The following ATP8B2 variants were observed in gnomAD, a reference collection of about 807,000 sequenced individuals.
The protein encoded by ATP8B2 is ATPase phospholipid transporting 8B2.
ATP8B2 carries 70 observed loss-of-function variants against 133.4 expected under a neutral mutation model. The ratio of observed to expected loss-of-function variants is 0.52; its 90% confidence interval spans 0.43 to 0.64. The LOEUF is 0.64. Among genes scored for constraint, ATP8B2 ranks in the 30% least tolerant of loss-of-function variants. The pLI, the probability that ATP8B2 is intolerant of heterozygous loss-of-function variation, is 0.00. For synonymous variants in ATP8B2, 517 were observed against 589.5 expected, an observed-to-expected ratio of 0.88 and a Z score of 1.78; for missense variants, 1,101 against 1,535.7, an observed-to-expected ratio of 0.72 and a Z score of 4.73.
Position 154,332,027 on chromosome 1 carries a change from A to G in ATP8B2, c.509+3A>G. 6.2e-7 allele frequency: 1 copy of G among 1,612,624 alleles called. No individual in the cohort carries two copies. ...ATAGAGACAGCAGAACTTGATGGGTAAGTGGCATGCTCAGTGTCAGCCCTC... is the reference window on the plus strand; with the variant it reads ...ATAGAGACAGCAGAACTTGATGGGTGAGTGGCATGCTCAGTGTCAGCCCTC... On this transcript the variant is annotated splice_donor_region_variant and intron_variant, in intron 8 of 27. Transcript: ENST00000368489.
rs767768059 is a variant in ATP8B2 at position 154,349,024 on chromosome 1, G to A, written c.3479G>A (p.Arg1160His). The A allele has an allele frequency of 4.3e-6, 7 of 1,614,210 alleles. No homozygotes were observed. Among genetic ancestry groups the A allele is most frequent in the East Asian group, 2.2e-5 (1 of 44,876 alleles). ...SSLALSSFTT[R>H]SSSSWIESLR... ...CTCGCGCTCTCCAGCTTCACCACCC[G>A]CTCCAGCTCCAGCTGGATTGAGAGC... is the stretch of plus-strand genomic sequence containing the variant. Residue 1160 changes from arginine (R) to histidine (H), a missense_variant, in exon 28 of 28, where the codon CGC becomes CAC. Physicochemically the swap from Arg to His is conservative, Grantham distance 29. Coordinates refer to ENST00000368489, the MANE Select transcript of ATP8B2 (RefSeq NM_001370597.1).
At position 154,343,662 on chromosome 1, in the gene ATP8B2, C is replaced by T. The variant is rs1686466278; in HGVS notation, c.1758+94C>T. On this transcript the variant is annotated intron_variant, in intron 17 of 27. Coordinates refer to ENST00000368489, the MANE Select transcript of ATP8B2 (RefSeq NM_001370597.1). The surrounding 1 kb of genome is among the most constrained non-coding windows in gnomAD (Gnocchi z 5.8). ...TTGTTTTATTGTGTAAATTTAAGGT[C>T]TACAACGTGATGTTTTGATGTGTAT... 8.1e-7 allele frequency: 1 copy of T among 1,227,488 alleles called. No homozygotes were observed. Among genetic ancestry groups the T allele is most frequent in the South Asian group, 1.3e-5 (1 of 79,774 alleles). 76.0% of individuals were successfully genotyped at this position (1,227,488 alleles called of 1,614,324 possible).
In ATP8B2 at chr1:154,328,513, A is replaced by G. The variant is rs1685867613; in HGVS notation, c.31+341A>G. 6.6e-6 allele frequency among the ~76,000 whole-genome samples: 1 copy of G among 151,566 alleles called. No individual in the cohort carries two copies. On this transcript the variant is annotated intron_variant, in intron 2 of 27. Transcript: ENST00000368489. The surrounding 1 kb of genome is among the most constrained non-coding windows in gnomAD (Gnocchi z 4.6). ...CCCTGCTCCCCTCGTTTTTCCATCTACCGGTTCTCCTGGTTTTTCCGCGGG... is the reference window on the plus strand; with the variant it reads ...CCCTGCTCCCCTCGTTTTTCCATCTGCCGGTTCTCCTGGTTTTTCCGCGGG...
In ATP8B2 at chr1:154,342,860, C is replaced by A; in HGVS notation, c.1352C>A (p.Pro451His). ...GACAAGAAGTTCTTATTTTGGGACC[C>A]CAGCCTGCTGGAGGCTGTCAAGATC... ...LADKKFLFWD[P>H]SLLEAVKIGD... Residue 451 changes from proline to histidine, a missense_variant, in exon 15 of 28, where the codon CCC (proline) becomes CAC (histidine). Pro to His is a moderately conservative substitution (Grantham distance 77). Coordinates refer to ENST00000368489, the MANE Select transcript of ATP8B2 (RefSeq NM_001370597.1). 1 of 1,614,172 alleles carries A rather than the reference C, an allele frequency of 6.2e-7. No homozygotes were observed. Among genetic ancestry groups the A allele is most frequent in the Non-Finnish European group, 8.5e-7 (1 of 1,180,014 alleles).
Position 154,343,639 on chromosome 1 carries a change from G to C in ATP8B2, c.1758+71G>C. On this transcript the variant is annotated intron_variant, in intron 17 of 27. Coordinates refer to ENST00000368489, the MANE Select transcript of ATP8B2 (RefSeq NM_001370597.1). This position sits in a 1 kb window ranked among gnomAD's most constrained non-coding sequence, Gnocchi z 5.8. ...AGTGTGGGGGAGGCGACTTAAGTTT[G>C]TTTTATTGTGTAAATTTAAGGTCTA... The C allele has an allele frequency of 1.4e-6, 2 of 1,398,514 alleles. No individual in the cohort carries two copies. Among genetic ancestry groups the C allele is most frequent in the Non-Finnish European group, 2.0e-6 (2 of 992,568 alleles). The allele number at this position is 1,398,514 out of a possible 1,614,324, so 86.6% of individuals were successfully genotyped here.
rs528913922 is a variant in ATP8B2, at chr1:154,349,354, G to A, written c.*236G>A. 4.1e-5 allele frequency: 24 copies of A among 579,662 alleles called. No homozygotes were observed. In the South Asian group the frequency reaches 5.1e-4, roughly 12 times the overall value. 35.9% of individuals were successfully genotyped at this position (579,662 alleles called of 1,614,324 possible). ...AAGGGCAGAGCAGAGGCTGAGGCAC[G>A]GGGAGCCAGCCCCACTCGGGGACCA... is the stretch of plus-strand genomic sequence containing the variant. On this transcript the variant is annotated 3_prime_UTR_variant, in exon 28 of 28. Coordinates refer to ENST00000368489, the MANE Select transcript of ATP8B2 (RefSeq NM_001370597.1).
At chr1:154,348,649 C>A in intron 27 of ATP8B2, 111 bp downstream of exon 27, 4 of 1,475,388 alleles carry the variant, frequency 2.7e-6, no homozygotes, top group Non-Finnish European at 3.7e-6. Flanking sequence ...TGTGTTGGTG[C>A]TTATCTGTTC....
intron 2 of ATP8B2, among the ~76,000 whole-genome samples, chr1:154,329,480 G>C (rs1685909809): frequency 6.6e-6 from 1 of 152,076 alleles, no homozygotes; most frequent in African/African-American, 2.4e-5. Context: ...TGAGGTCATG[G>C]TGACCCCCGG....
chr1:154,343,071 G>C lies in ATP8B2; in HGVS notation c.1454-42G>C. 1.3e-6 allele frequency: 2 copies of C among 1,598,268 alleles called. No individual in the cohort carries two copies. Among genetic ancestry groups the C allele is most frequent in the Non-Finnish European group, 1.7e-6 (2 of 1,170,820 alleles). On this transcript the variant is annotated intron_variant, in intron 15 of 27. Coordinates refer to ENST00000368489, the MANE Select transcript of ATP8B2 (RefSeq NM_001370597.1). The surrounding 1 kb of genome is among the most constrained non-coding windows in gnomAD (Gnocchi z 5.8). ...CTTCCTGGGCGGGGCACGTGGCTGA[G>C]GGAAGCCACTTATATCACGTGTATT...
chr1:154,327,475 C>T (rs916765321), intron 1 of ATP8B2, among the ~76,000 whole-genome samples: 27 of 152,110 alleles, frequency 1.8e-4, no homozygotes, highest in African/African-American at 6.3e-4. Context: ...GGGAAGACCC[C>T]TCTGCCAGCC....
intron 9 of ATP8B2, among the ~76,000 whole-genome samples, chr1:154,333,335 AG>A (rs1278515075): frequency 6.9e-6 from 1 of 144,484 alleles, no homozygotes; most frequent in Non-Finnish European, 1.5e-5. Flanking sequence ...TGTCTCAAAA[AG>A]AAAAAAAAAA....
At chr1:154,332,372 A>T (rs2149162043) in intron 8 of ATP8B2, among the ~76,000 whole-genome samples, 1 of 152,258 alleles carries the variant, frequency 6.6e-6, no homozygotes, top group Non-Finnish European at 1.5e-5. Flanking sequence ...CATCTCTATA[A>T]AACAAACAAA....
At position 154,330,445 on chromosome 1, in the gene ATP8B2, C is replaced by A; in HGVS notation, c.81C>A (p.Phe27Leu). ...RANDREYNEK[F>L]QYASNCIKTS... Reference sequence around the variant, plus strand: ...ATGACCGAGAATACAATGAGAAATTCCAGTATGCGGTAAGCGACTCTAGAC... The same window carrying A: ...ATGACCGAGAATACAATGAGAAATTACAGTATGCGGTAAGCGACTCTAGAC... Residue 27 changes from phenylalanine to leucine, a missense_variant, in exon 3 of 28, where the codon TTC becomes TTA. Physicochemically the swap from Phe to Leu is conservative, Grantham distance 22. Coordinates refer to ENST00000368489, the MANE Select transcript of ATP8B2 (RefSeq NM_001370597.1). The A allele has an allele frequency of 6.2e-7, 1 of 1,613,916 alleles. No homozygotes were observed. Among genetic ancestry groups the A allele is most frequent in the South Asian group, 1.1e-5 (1 of 91,062 alleles).
chr1:154,344,265 A>G lies in ATP8B2; in HGVS notation c.2035+11A>G. On this transcript the variant is annotated intron_variant, in intron 19 of 27. Transcript: ENST00000368489. This position sits in a 1 kb window ranked among gnomAD's most constrained non-coding sequence, Gnocchi z 4.1. ...CCGGAGACAAGCAAGGTGAGAGCCCAGCAGGGCAGAGCCAGTTGCAACTGA... is the reference window on the plus strand; with the variant it reads ...CCGGAGACAAGCAAGGTGAGAGCCCGGCAGGGCAGAGCCAGTTGCAACTGA... 1 of 1,614,238 alleles carries G rather than the reference A, an allele frequency of 6.2e-7. No homozygotes were observed. The highest frequency in any genetic ancestry group is 1.3e-5 in the African/African-American group (1 of 75,066).
intron 14 of ATP8B2, 123 bp downstream of exon 14, chr1:154,342,646 T>TC: frequency 6.9e-7 from 1 of 1,446,502 alleles, no homozygotes; most frequent in Non-Finnish European, 9.7e-7. Flanking sequence ...AATGGGTGTT[T>TC]TAAGGCAGAA....
chr1:154,329,070 G>A (rs1249845662), intron 2 of ATP8B2: 14 of 1,301,578 alleles, frequency 1.1e-5, no homozygotes, highest in African/African-American at 1.5e-5. Context: ...CCCTCTTGGG[G>A]GACAGGTAAC....
In ATP8B2 at chr1:154,346,389, C is replaced by T; in HGVS notation, c.2937C>T (p.Ala979=). 1.2e-6 allele frequency: 2 copies of T among 1,614,182 alleles called. No individual in the cohort carries two copies. The highest frequency in any genetic ancestry group is 8.5e-7 in the Non-Finnish European group (1 of 1,180,030). ...TTCCCTATGGGGTGTTTGCTGATGC[C>T]ACCCGGGATGATGGCACTCAGCTGG... ...FFIPYGVFAD[A]TRDDGTQLAD... The change falls in exon 25 of 28, where the codon GCC becomes GCT. Residue 979 remains alanine, a synonymous_variant. Transcript: ENST00000368489. The surrounding 1 kb of genome is among the most constrained non-coding windows in gnomAD (Gnocchi z 4.5).
chr1:154,332,787 TTTTG>T, intron 9 of ATP8B2, 90 bp downstream of exon 9: 1 of 1,056,948 alleles, frequency 9.5e-7, no homozygotes, highest in African/African-American at 1.6e-5. Context: ...CCTTTGGGCT[TTTTG>T]TTGTTATTAT....
chr1:154,345,397 A>G lies in ATP8B2; in HGVS notation c.2546A>G (p.Gln849Arg). 6.2e-7 allele frequency: 1 copy of G among 1,614,228 alleles called. No individual in the cohort carries two copies. Among genetic ancestry groups the G allele is most frequent in the South Asian group, 1.1e-5 (1 of 91,086 alleles). Residue 849 changes from glutamine to arginine, a missense_variant, in exon 23 of 28, where the codon CAG becomes CGG. Transcript: ENST00000368489. This position sits in a 1 kb window ranked among gnomAD's most constrained non-coding sequence, Gnocchi z 5.6. ...AVLASDYSFSQFKFLQRLLLV... is the reference protein window; with the variant it reads ...AVLASDYSFSRFKFLQRLLLV... ...TTGGCCTCCGATTACTCCTTCTCCCAGTTCAAGTTCCTGCAGCGCCTCCTG... is the reference window on the plus strand; with the variant it reads ...TTGGCCTCCGATTACTCCTTCTCCCGGTTCAAGTTCCTGCAGCGCCTCCTG...
Sources: allele counts gnomAD v4.1 joint callset (sites outside exome capture counted in the v4.1 genomes callset), GRCh38; gene constraint gnomAD v4.1.1; non-coding constraint Gnocchi (gnomAD v3.1); transcripts MANE v1.5; gene names NCBI Gene and HGNC (gene_info 2026-07-23, HGNC 2026-07-21).